Variants in USP22 observed in about 807,000 individuals in gnomAD.
The protein encoded by USP22 is ubiquitin carboxyl-terminal hydrolase 22.
USP22 carries 22 observed loss-of-function variants against 68.1 expected under a neutral mutation model. The ratio of observed to expected loss-of-function variants is 0.32; its 90% CI spans 0.23 to 0.46. USP22 has a LOEUF of 0.46. Ranked by LOEUF, USP22 falls within the 20% of genes least tolerant of loss-of-function variation. The pLI, the probability that USP22 is intolerant of heterozygous loss-of-function variation, is 1.00. For missense variants in USP22, 433 were observed against 695.8 expected (o/e 0.62, Z 4.25); for synonymous variants, 279 against 274.2 (o/e 1.02, Z -0.17).
At chr17:21,035,365 T>G (rs1298795548) in intron 1 of USP22, among the ~76,000 whole-genome samples, 1 of 152,102 alleles carries the variant, frequency 6.6e-6, no homozygotes, top group Non-Finnish European at 1.5e-5. Flanking sequence ...GACTCACATA[T>G]CCATTAGGCG....
intron 11 of USP22, 43 bp downstream of exon 11, chr17:21,004,885 T>C: frequency 6.2e-7 from 1 of 1,610,198 alleles, no homozygotes; most frequent in Non-Finnish European, 8.5e-7. Flanking sequence ...CCCCAGCTCT[T>C]GGCCAGAGGC....
intron 1 of USP22, among the ~76,000 whole-genome samples, chr17:21,034,904 GAA>G (rs1972335230): frequency 6.6e-6 from 1 of 152,252 alleles, no homozygotes; most frequent in Non-Finnish European, 1.5e-5. Flanking sequence ...AATTATGAAG[GAA>G]AAAAGTTTGC....
intron 1 of USP22, among the ~76,000 whole-genome samples, chr17:21,040,900 T>TC (rs938393990): frequency 6.6e-6 from 1 of 151,496 alleles, no homozygotes; most frequent in African/African-American, 2.4e-5. Flanking sequence ...TTTTTTTTTT[T>TC]TCCGGAGGGG....
intron 5 of USP22, among the ~76,000 whole-genome samples, chr17:21,016,204 A>T (rs563836268): frequency 6.6e-6 from 1 of 152,282 alleles, no homozygotes; most frequent in African/African-American, 2.4e-5. Flanking sequence ...TTTGCCCAAT[A>T]CTAGTTTCCT....
At chr17:21,043,418 C>CT (rs1434309863), upstream of USP22, 33 of 411,490 alleles carry the variant, frequency 8.0e-5, no homozygotes, top group Non-Finnish European at 1.4e-4. Flanking sequence ...TTCCAGAGGA[C>CT]TGGGGAGGCG....
intron 10 of USP22, 78 bp from the exon 11 acceptor site, chr17:21,005,068 C>T: frequency 2.0e-6 from 3 of 1,506,204 alleles, no homozygotes; most frequent in Non-Finnish European, 2.8e-6. Context: ...GAAACCAACA[C>T]TTATCCAAGC....
intron 7 of USP22, 23 bp downstream of exon 7, chr17:21,012,807 C>CTCTCACTTACTGGCAGCCTCTCACTTACT (rs1567792088): frequency 1.9e-6 from 3 of 1,607,732 alleles, no homozygotes; most frequent in Non-Finnish European, 2.6e-6. Context: ...TTGATATTGC[C>CTCTCACTTACTGGCAGCCTCTCACTTACT]GAGCACGCAG....
upstream of USP22, chr17:21,043,034 G>C: frequency 3.4e-6 from 1 of 292,574 alleles, no homozygotes; most frequent in Non-Finnish European, 6.2e-6. Context: ...CCCGAGCTGC[G>C]GCTGCTGCGG....
chr17:21,043,121 T>TCCCCCCCC (rs1277714053), upstream of USP22: 1 of 27,744 alleles, frequency 3.6e-5, no homozygotes, highest in African/African-American at 1.6e-4. Flanking sequence ...GGAGATTACG[T>TCCCCCCCC]CACCCCCCCC....
At chr17:21,018,281 G>C in intron 4 of USP22, 170 bp from the exon 5 acceptor site, 1 of 602,866 alleles carries the variant, frequency 1.7e-6, no homozygotes, top group Non-Finnish European at 2.8e-6. Flanking sequence ...ACTTTTACAT[G>C]AACGGTATTG....
In USP22 at chr17:21,011,273, G is replaced by T; in HGVS notation, c.981C>A (p.Ile327=). ...VSTTIDPFWD[I]SLDLPGSSTP... is the part of the protein sequence containing the mutation. Reference sequence around the variant, plus strand: ...TGGAAGAGCCGGGGAGATCCAAGCTGATGTCCCAGAAGGGGTCGATGGTGG... The same window carrying T: ...TGGAAGAGCCGGGGAGATCCAAGCTTATGTCCCAGAAGGGGTCGATGGTGG... The change falls in exon 8 of 13, where the codon ATC becomes ATA. Residue 327 remains isoleucine (I), a synonymous_variant. Coordinates refer to ENST00000261497, the MANE Select transcript of USP22 (RefSeq NM_015276.2). 1.3e-6 allele frequency: 2 copies of T among 1,579,182 alleles called. No individual in the cohort carries two copies. Among genetic ancestry groups the T allele is most frequent in the Non-Finnish European group, 1.7e-6 (2 of 1,161,858 alleles).
At chr17:21,011,012 C>G in intron 8 of USP22, 139 bp downstream of exon 8, 1 of 1,192,860 alleles carries the variant, frequency 8.4e-7, no homozygotes, top group Non-Finnish European at 1.1e-6. Context: ...GCACAAGAGA[C>G]TGCAGCCAAT....
In USP22 at chr17:21,019,158, T is replaced by A; in HGVS notation, c.446A>T (p.Glu149Val). 1 of 1,614,180 alleles carries A rather than the reference T, an allele frequency of 6.2e-7. No homozygotes were observed. Among genetic ancestry groups the A allele is most frequent in the Non-Finnish European group, 8.5e-7 (1 of 1,180,004 alleles). Residue 149 changes from glutamate to valine, a missense_variant, in exon 4 of 13, where the codon GAA becomes GTA. By Grantham distance (121) the Glu-to-Val change is moderately radical. Around this residue, in one of 4 missense-constraint regions of USP22, gnomAD observed 144 missense variants for 237.2 expected, o/e 0.61. Coordinates refer to ENST00000261497, the MANE Select transcript of USP22 (RefSeq NM_015276.2). ...QGVGEKFSTW[E>V]PTKRELELLK... is the part of the protein sequence containing the mutation. ...CAGTTCAAGCTCCCGTTTGGTTGGT[T>A]CCCAAGTTGAAAACTTCTCTCCAAC...
chr17:21,042,917 C>A lies in USP22; in HGVS notation c.-82G>T, dbSNP rs919355756. The A allele has an allele frequency of 1.0e-6, 1 of 1,003,676 alleles. No homozygotes were observed. The highest frequency in any genetic ancestry group is 1.7e-5 in the African/African-American group (1 of 59,130). 62.2% of individuals were successfully genotyped at this position (1,003,676 alleles called of 1,614,324 possible). On this transcript the variant is annotated 5_prime_UTR_variant, in exon 1 of 13. Coordinates refer to ENST00000261497, the MANE Select transcript of USP22 (RefSeq NM_015276.2). ...CCAGCGCGGCGTGGGGGCTGCTCGG[C>A]GGCTGGCCAGGCTGGCCAAGGCCCG...
At chr17:21,026,065 C>T (rs982052477) in intron 2 of USP22, among the ~76,000 whole-genome samples, 1 of 152,140 alleles carries the variant, frequency 6.6e-6, no homozygotes, top group African/African-American at 2.4e-5. Flanking sequence ...TCAAGACCAG[C>T]CTGGCCAACA....
intron 1 of USP22, among the ~76,000 whole-genome samples, chr17:21,036,778 A>C (rs76044285): frequency 0.011 from 1,708 of 152,316 alleles, 27 homozygotes; most frequent in South Asian, 0.064. Context: ...ATATCAAATT[A>C]CAGACGTGTA....
In USP22 at chr17:21,042,759, A is replaced by G; in HGVS notation, c.77T>C (p.Leu26Pro). Reference protein sequence around the residue: ...LAVAPPGCSHLGSFKVDNWKQ... With the variant: ...LAVAPPGCSHPGSFKVDNWKQ... ...CCAGTTGTCCACCTTGAAGCTGCCC[A>G]GGTGCGAGCAGCCCGGCGGCGCTAC... The change falls in exon 1 of 13, where the codon CTG becomes CCG. Residue 26 changes from leucine (L) to proline (P), a missense_variant. By Grantham distance (98) the Leu-to-Pro change is moderately conservative (BLOSUM62 -3). Coordinates refer to ENST00000261497, the MANE Select transcript of USP22 (RefSeq NM_015276.2). 6.7e-7 allele frequency: 1 copy of G among 1,498,066 alleles called. No individual in the cohort carries two copies. The highest frequency in any genetic ancestry group is 2.0e-5 in the Admixed American group (1 of 49,624). The allele number at this position is 1,498,066 out of a possible 1,614,324, so 92.8% of individuals were successfully genotyped here. A position where few individuals can be genotyped will look rare whatever the true frequency, so the allele number is the denominator to read the frequency against.
rs1913613203 is a variant in USP22 at position 21,002,347 on chromosome 17, A to G, written c.*684T>C. ...TCACTTTACTAGTATTACATTTATGAAATTCACCTTTGTGGAAAAAGGAGC... is the reference window on the plus strand; with the variant it reads ...TCACTTTACTAGTATTACATTTATGGAATTCACCTTTGTGGAAAAAGGAGC... On this transcript the variant is annotated 3_prime_UTR_variant, in exon 13 of 13. Transcript: ENST00000261497. 1 of 152,318 alleles carries G rather than the reference A, an allele frequency of 6.6e-6. No individual in the cohort carries two copies. Among genetic ancestry groups the G allele is most frequent in the South Asian group, 2.1e-4 (1 of 4,840 alleles). The allele number at this position is 152,318 out of a possible 1,614,324, so 9.4% of individuals were successfully genotyped here.
intron 5 of USP22, among the ~76,000 whole-genome samples, chr17:21,017,298 A>C (rs3943299): frequency 0.75 from 113,574 of 152,120 alleles, 42,853 homozygotes; most frequent in South Asian, 0.82. Context: ...TGTGCAAGGC[A>C]CCTGAAGAAC....
Sources: gnomAD v4.1 joint callset for allele counts (sites outside exome capture counted in the v4.1 genomes callset) on GRCh38, gnomAD v4.1.1 for gene constraint, gnomAD v4.1.1 regional missense constraint, MANE v1.5 for transcripts, NCBI Gene and HGNC (gene_info 2026-07-23, HGNC 2026-07-21) for gene names.